The following CCDC157 variants were observed in gnomAD, a reference collection of about 807,000 sequenced individuals.
CCDC157 encodes the protein coiled-coil domain-containing protein 157.
A neutral mutation model predicts 70.9 loss-of-function variants in CCDC157; 60 were observed. The observed-to-expected ratio is 0.85, with a 90% CI of 0.69 to 1.05. The LOEUF (loss-of-function observed/expected upper bound fraction) is 1.05. Among genes scored for constraint, CCDC157 ranks in the 50% least tolerant of loss-of-function variants. CCDC157 has a pLI of 0.00. For missense variants in CCDC157, 943 were observed against 984.2 expected, an observed-to-expected ratio of 0.96 and a Z score of 0.56; for synonymous variants, 373 against 422.4, an observed-to-expected ratio of 0.88 and a Z score of 1.43.
chr22:30,371,884 C>A, intron 6 of CCDC157, 157 bp downstream of exon 6: 3 of 771,582 alleles, frequency 3.9e-6, no homozygotes, highest in Non-Finnish European at 6.3e-6. Flanking sequence ...TGGCGATGAC[C>A]AAACTGGGTT....
rs1004441607 is a variant in CCDC157, at chr22:30,371,746, G to C, written c.1123+19G>C. 1.9e-6 allele frequency: 3 copies of C among 1,593,912 alleles called. No individual in the cohort carries two copies. Among genetic ancestry groups the C allele is most frequent in the African/African-American group, 1.3e-5 (1 of 74,522 alleles). ...GCTGTGGGTAAGGAGCCCCATCATA[G>C]GCCCCCATGCCACATCTCAAGCCAG... On this transcript the variant is annotated intron_variant, in intron 6 of 11. Transcript: ENST00000338306.
At chr22:30,358,377 T>C (rs17730978) in intron 1 of CCDC157, among the ~76,000 whole-genome samples, 5,840 of 152,310 alleles carry the variant, frequency 0.038, 177 homozygotes, top group Middle Eastern at 0.058. Context: ...ACAGTGAAGT[T>C]TGGAGTTGGT....
chr22:30,365,926 G>A, intron 2 of CCDC157, 64 bp from the exon 3 acceptor site: 4 of 1,453,744 alleles, frequency 2.8e-6, no homozygotes, highest in Non-Finnish European at 3.7e-6. Flanking sequence ...GAGGGTTTCA[G>A]GGAGTTTCCT....
Position 30,370,752 on chromosome 22 carries a change from C to G in CCDC157, c.847C>G (p.Leu283Val). ...CTGGGCAGCAGAGCAGAGGAAAGAC[C>G]TGACGCGCCTCAGTAAGCATGTGGA... ...GRWAAEQRKD[L>V]TRLSKHVEAL... Residue 283 changes from leucine to valine, a missense_variant, in exon 5 of 12, where the codon CTG (leucine) becomes GTG (valine). Coordinates refer to ENST00000338306, the MANE Select transcript of CCDC157 (RefSeq NM_001017437.5). 1.9e-6 allele frequency: 3 copies of G among 1,613,604 alleles called. No homozygotes were observed. The South Asian group carries it at 3.3e-5, about 18-fold the overall frequency.
At position 30,373,964 on chromosome 22, in the gene CCDC157, GCA is replaced by G; in HGVS notation, c.1546_1547del (p.Gln516GlyfsTer142). 1 of 1,612,934 alleles carries G rather than the reference GCA, an allele frequency of 6.2e-7. No homozygotes were observed. Among genetic ancestry groups the G allele is most frequent in the Non-Finnish European group, 8.5e-7 (1 of 1,179,578 alleles). On this transcript the variant is annotated frameshift_variant, in exon 9 of 12. Coordinates refer to ENST00000338306, the MANE Select transcript of CCDC157 (RefSeq NM_001017437.5). LOFTEE classifies it high-confidence loss of function. ...TGCAGAGGGAGAAGCAAGGCCTGGAGCAGGCGACTACGGACCTGCGGCTAACC... is the reference window on the plus strand; with the variant it reads ...TGCAGAGGGAGAAGCAAGGCCTGGAGGGCGACTACGGACCTGCGGCTAACC... Reference protein sequence around the residue: ...SLQREKQGLEQATTDLRLTIL... With the variant: ...SLQREKQGLEXATTDLRLTIL...
upstream of CCDC157, chr22:30,356,838 G>C: frequency 7.7e-7 from 1 of 1,299,354 alleles, no homozygotes; most frequent in Non-Finnish European, 9.8e-7. Flanking sequence ...GTCGGTGAGC[G>C]GTGCCGCCTC....
chr22:30,371,622 T>C, intron 5 of CCDC157, 28 bp from the exon 6 acceptor site: 2 of 1,597,732 alleles, frequency 1.3e-6, no homozygotes, highest in Non-Finnish European at 1.7e-6. Flanking sequence ...TGGGACCCTC[T>C]GAAGGGCCTC....
Position 30,376,316 on chromosome 22 carries a change from C to G in CCDC157, c.1915C>G (p.Pro639Ala). 6.2e-7 allele frequency: 1 copy of G among 1,613,568 alleles called. No homozygotes were observed. Among genetic ancestry groups the G allele is most frequent in the East Asian group, 2.2e-5 (1 of 44,862 alleles). The change falls in exon 11 of 12, where the codon CCA becomes GCA. Residue 639 changes from proline (P) to alanine (A), a missense_variant. Physicochemically the swap from Pro to Ala is conservative, Grantham distance 27. Transcript: ENST00000338306. ...CAGCAAGGGAACCCAGGGAGCAACA[C>G]CACCAGTCCAGGCCAAGAGCACATC... ...PSSKGTQGATPPVQAKSTSPG... is the reference protein window; with the variant it reads ...PSSKGTQGATAPVQAKSTSPG...
rs188168432 is a variant in CCDC157 at position 30,373,696 on chromosome 22, C to T, written c.1435C>T (p.Arg479Trp). The T allele has an allele frequency of 4.6e-5, 72 of 1,553,298 alleles. No homozygotes were observed. The highest frequency in any genetic ancestry group is 5.6e-5 in the Non-Finnish European group (64 of 1,148,748). Residue 479 changes from arginine (R) to tryptophan (W), a missense_variant, in exon 8 of 12, where the codon CGG (arginine) becomes TGG (tryptophan). By Grantham distance (101) the Arg-to-Trp change is moderately radical. Transcript: ENST00000338306. ...CAGCCTGGACGAGGCTGAGGCCCAG[C>T]GGGCCCGCGTGGAGGAGCAGCTGCA... ...RGSLDEAEAQ[R>W]ARVEEQLQSE... is the part of the protein sequence containing the mutation.
chr22:30,376,735 G>T lies in CCDC157; in HGVS notation c.2249G>T (p.Arg750Leu). The change falls in exon 12 of 12, where the codon CGG becomes CTG. Residue 750 changes from arginine (R) to leucine (L), a missense_variant. Coordinates refer to ENST00000338306, the MANE Select transcript of CCDC157 (RefSeq NM_001017437.5). ...QASSAHQPQE[R>L]PM ...AGCTCTGCACACCAGCCCCAGGAGC[G>T]GCCCATGTAGCCTGTGGCCCAGGGC... 1 of 1,611,852 alleles carries T rather than the reference G, an allele frequency of 6.2e-7. No homozygotes were observed. Among genetic ancestry groups the T allele is most frequent in the Non-Finnish European group, 8.5e-7 (1 of 1,179,150 alleles).
At chr22:30,374,585 C>T (rs1203133045) in intron 9 of CCDC157, 1 of 457,648 alleles carries the variant, frequency 2.2e-6, no homozygotes, top group African/African-American at 2.0e-5. Context: ...CCCAGCCCCT[C>T]CAGACCCCTA....
intron 4 of CCDC157, chr22:30,369,813 C>T: frequency 2.1e-6 from 1 of 485,604 alleles, no homozygotes; most frequent in Non-Finnish European, 3.6e-6. Context: ...CTCCCTGGCT[C>T]TGACATCCCT....
chr22:30,365,915 T>G, intron 2 of CCDC157, 75 bp from the exon 3 acceptor site: 13 of 1,383,314 alleles, frequency 9.4e-6, no homozygotes, highest in Non-Finnish European at 1.2e-5. Flanking sequence ...CCTGGGCAGA[T>G]GAGGGTTTCA....
rs5749087 is a variant in CCDC157, at chr22:30,378,664, C to T, written c.*1919C>T. The T allele has an allele frequency of 0.2, 30,661 of 151,974 alleles. 3,349 individuals carry two copies. Among genetic ancestry groups the T allele is most frequent in the Middle Eastern group, 0.35 (103 of 292 alleles). 9.4% of individuals were successfully genotyped at this position (151,974 alleles called of 1,614,324 possible). ...AATAAAATAAATAAATAAAATCCCT[C>T]TGAGTCCCAGTTCCAGAAATTATAT... On this transcript the variant is annotated 3_prime_UTR_variant, in exon 12 of 12. Coordinates refer to ENST00000338306, the MANE Select transcript of CCDC157 (RefSeq NM_001017437.5).
In CCDC157 at chr22:30,370,669, A is replaced by G. The variant is rs750662758; in HGVS notation, c.764A>G (p.Gln255Arg). Reference protein sequence around the residue: ...QNLPSSLGQFQQLVQDSMGLR... With the variant: ...QNLPSSLGQFRQLVQDSMGLR... ...CTGCCCTCGTCCTTAGGCCAGTTCC[A>G]GCAACTGGTGCAGGACAGCATGGGG... Residue 255 changes from glutamine (Q) to arginine (R), a missense_variant, in exon 5 of 12, where the codon CAG becomes CGG. Transcript: ENST00000338306. 12 of 1,613,750 alleles carry G rather than the reference A, an allele frequency of 7.4e-6. No individual in the cohort carries two copies. Among genetic ancestry groups the G allele is most frequent in the Admixed American group, 1.7e-5 (1 of 59,992 alleles).
chr22:30,373,364 G>C (rs1413980738), intron 7 of CCDC157: 3 of 552,130 alleles, frequency 5.4e-6, no homozygotes, highest in Non-Finnish European at 9.7e-6. Flanking sequence ...CCAAGGGCCG[G>C]GGTCTTCAAG....
At chr22:30,366,316 A>C (rs1601725170) in intron 3 of CCDC157, 68 bp downstream of exon 3, 1 of 1,594,164 alleles carries the variant, frequency 6.3e-7, no homozygotes, top group South Asian at 1.1e-5. Context: ...AGTGGCAGCT[A>C]CGGAAGCCCC....
Position 30,369,614 on chromosome 22 carries a change from G to A in CCDC157, c.420+11G>A. On this transcript the variant is annotated intron_variant, in intron 4 of 11. Coordinates refer to ENST00000338306, the MANE Select transcript of CCDC157 (RefSeq NM_001017437.5). ...CAGCCACTCCCCCAGGTGGGTCCCA[G>A]CCTCTGTCTCAGGTGGGTCAGCCTC... The A allele has an allele frequency of 6.6e-7, 1 of 1,524,646 alleles. No individual in the cohort carries two copies. 94.4% of individuals were successfully genotyped at this position (1,524,646 alleles called of 1,614,324 possible).
rs758150539 is a variant in CCDC157, at chr22:30,372,197, C to T, written c.1246C>T (p.Leu416=). 1.3e-6 allele frequency: 2 copies of T among 1,591,620 alleles called. No homozygotes were observed. The highest frequency in any genetic ancestry group is 2.7e-5 in the African/African-American group (2 of 74,818). The part of the protein sequence containing the change: ...EAQVQLLVGR[L]EGAGQQVCWA... ...GCAGGTGCAGCTGTTGGTGGGTCGG[C>T]TGGAGGGCGCTGGCCAGCAGGTCTG... Residue 416 remains leucine, a synonymous_variant, in exon 7 of 12, where the codon CTG becomes TTG. Coordinates refer to ENST00000338306, the MANE Select transcript of CCDC157 (RefSeq NM_001017437.5).
Sources: allele counts gnomAD v4.1 joint callset (sites outside exome capture counted in the v4.1 genomes callset), GRCh38; gene constraint gnomAD v4.1.1; transcripts MANE v1.5; gene names NCBI Gene and HGNC (gene_info 2026-07-23, HGNC 2026-07-21).